Variants in MAP3K8 observed in about 807,000 individuals in gnomAD.
MAP3K8 encodes the protein mitogen-activated protein kinase kinase kinase 8.
MAP3K8 carries 22 observed loss-of-function variants against 45.8 expected under a neutral mutation model. The ratio of observed to expected loss-of-function variants is 0.48; its 90% CI spans 0.34 to 0.69. MAP3K8 has a LOEUF of 0.69. MAP3K8 is among the 30% of genes least tolerant of loss of function. The pLI is 0.01. For missense variants in MAP3K8, 419 were observed against 585.0 expected (o/e 0.72, Z 2.93); for synonymous variants, 223 against 214.3 (o/e 1.04, Z -0.36).
At chr10:30,459,108 A>G (rs1244108059) in intron 7 of MAP3K8, 147 bp from the exon 8 acceptor site, 2 of 782,102 alleles carry the variant, frequency 2.6e-6, no homozygotes, top group Non-Finnish European at 4.1e-6. Context: ...ATTAAAGGGA[A>G]GCTTGCTTGC....
Position 30,448,414 on chromosome 10 carries a change from T to TTTATTATTA in MAP3K8, c.504+492_504+500dup, listed in dbSNP as rs1554773753. ...ATGATTGAAAAGACCCTATCCCAAA[T>TTTATTATTA]TTATTATTATTATTATTATTATTAT... On this transcript the variant is annotated intron_variant, in intron 4 of 8. Coordinates refer to ENST00000263056, the MANE Select transcript of MAP3K8 (RefSeq NM_005204.4). Among the ~76,000 whole-genome samples the TTTATTATTA allele has an allele frequency of 4.2e-3, 573 of 136,432 alleles. 2 individuals are homozygous for TTTATTATTA. Among genetic ancestry groups the TTTATTATTA allele is most frequent in the African/African-American group, 0.013 (472 of 35,390 alleles). 89.5% of individuals were successfully genotyped at this position (136,432 alleles called of 152,430 possible).
chr10:30,460,821 G>T lies in MAP3K8; in HGVS notation c.1389G>T (p.Thr463=), dbSNP rs775208839. The change falls in exon 9 of 9, where the codon ACG becomes ACT. Residue 463 remains threonine (T), a synonymous_variant. Transcript: ENST00000263056. ...TCAATCTTGTTCGGGGACCACCAAC[G>T]CTTGAATATGGCTGAAGGATGCCAT... ...GYFNLVRGPP[T]LEYG 2.5e-6 allele frequency: 4 copies of T among 1,613,564 alleles called. No individual in the cohort carries two copies. The highest frequency in any genetic ancestry group is 3.4e-6 in the Non-Finnish European group (4 of 1,180,014).
chr10:30,460,964 C>G lies in MAP3K8; in HGVS notation c.*128C>G. ...AAGGAGCAGTGTGACCTCCTGTGACCCGTGAATGTGCCTCCAAGCGGCCCT... is the reference window on the plus strand; with the variant it reads ...AAGGAGCAGTGTGACCTCCTGTGACGCGTGAATGTGCCTCCAAGCGGCCCT... On this transcript the variant is annotated 3_prime_UTR_variant, in exon 9 of 9. Transcript: ENST00000263056. The G allele has an allele frequency of 1.7e-6, 2 of 1,211,226 alleles. No individual in the cohort carries two copies. The highest frequency in any genetic ancestry group is 3.1e-5 in the South Asian group (2 of 64,820). The allele number at this position is 1,211,226 out of a possible 1,614,324, so 75.0% of individuals were successfully genotyped here.
chr10:30,458,335 C>G (rs1836821280), intron 7 of MAP3K8, 99 bp downstream of exon 7: 1 of 731,780 alleles, frequency 1.4e-6, no homozygotes, highest in South Asian at 3.9e-5. Context: ...TATACCACCC[C>G]CATCTGAATG....
In MAP3K8 at chr10:30,460,780, G is replaced by C; in HGVS notation, c.1348G>C (p.Ala450Pro). 1 of 1,613,934 alleles carries C rather than the reference G, an allele frequency of 6.2e-7. No homozygotes were observed. Among genetic ancestry groups the C allele is most frequent in the Non-Finnish European group, 8.5e-7 (1 of 1,179,944 alleles). Residue 450 changes from alanine to proline, a missense_variant, in exon 9 of 9, where the codon GCT becomes CCT. Physicochemically the swap from Ala to Pro is conservative, Grantham distance 27. Coordinates refer to ENST00000263056, the MANE Select transcript of MAP3K8 (RefSeq NM_005204.4). ...RQRSLYIDLG[A>P]LAGYFNLVRG... ...ACGCTCTCTCTACATCGACCTCGGCGCTCTGGCTGGCTACTTCAATCTTGT... is the reference window on the plus strand; with the variant it reads ...ACGCTCTCTCTACATCGACCTCGGCCCTCTGGCTGGCTACTTCAATCTTGT...
At chr10:30,444,396 G>A (rs181516652) in intron 3 of MAP3K8, among the ~76,000 whole-genome samples, 1 of 152,240 alleles carries the variant, frequency 6.6e-6, no homozygotes, top group East Asian at 1.9e-4. Flanking sequence ...TCAGGAGGCA[G>A]AGGTTGCGAT....
At chr10:30,449,399 C>T (rs1007469923) in intron 4 of MAP3K8, among the ~76,000 whole-genome samples, 1 of 152,188 alleles carries the variant, frequency 6.6e-6, no homozygotes, top group Admixed American at 6.5e-5. Flanking sequence ...CACTCACCCC[C>T]ACGCCTGGCC....
At chr10:30,451,093 CA>C (rs56773403) in intron 5 of MAP3K8, among the ~76,000 whole-genome samples, 3,264 of 52,768 alleles carry the variant, frequency 0.062, 74 homozygotes, top group African/African-American at 0.17. Context: ...AACTCCGTCT[CA>C]AAAAAAAAAA....
Position 30,450,251 on chromosome 10 carries a change from G to A in MAP3K8, c.505-7G>A, listed in dbSNP as rs1278544440. On this transcript the variant is annotated splice_polypyrimidine_tract_variant and splice_region_variant and intron_variant, in intron 4 of 8. Coordinates refer to ENST00000263056, the MANE Select transcript of MAP3K8 (RefSeq NM_005204.4). ...TTTAGAATCTCGCTTGTATTTTTGT[G>A]TTCTAGATCCCAGTAGATCAATTTA... is the stretch of plus-strand genomic sequence containing the variant. The A allele has an allele frequency of 4.4e-6, 7 of 1,581,730 alleles. No individual in the cohort carries two copies. The African/African-American group carries it at 6.8e-5, about 15-fold the overall frequency.
At chr10:30,449,414 A>G (rs1184365112) in intron 4 of MAP3K8, among the ~76,000 whole-genome samples, 1 of 151,930 alleles carries the variant, frequency 6.6e-6, no homozygotes, top group African/African-American at 2.4e-5. Flanking sequence ...CTGGCCTGAC[A>G]TGGTTTTTCA....
intron 1 of MAP3K8, 22 bp downstream of exon 1, chr10:30,434,400 C>A: frequency 1.7e-5 from 16 of 961,386 alleles, no homozygotes; most frequent in Non-Finnish European, 1.7e-5. Context: ...TTGGGGGTCT[C>A]CGGCGTGTCT....
intron 5 of MAP3K8, among the ~76,000 whole-genome samples, chr10:30,451,043 G>C (rs1002665083): frequency 6.8e-6 from 1 of 147,886 alleles, no homozygotes; most frequent in Non-Finnish European, 1.5e-5. Flanking sequence ...AGTGAGCTGA[G>C]ATGGCGCCAT....
At chr10:30,438,857 A>G (rs552211501) in intron 2 of MAP3K8, 59 bp from the exon 3 acceptor site, 37 of 918,112 alleles carry the variant, frequency 4.0e-5, no homozygotes, top group Non-Finnish European at 2.9e-5. Context: ...TCAGTTTCCC[A>G]TGGGTCTTGA....
At chr10:30,445,200 C>A (rs1480050846) in intron 3 of MAP3K8, among the ~76,000 whole-genome samples, 3 of 152,098 alleles carry the variant, frequency 2.0e-5, no homozygotes, top group African/African-American at 4.8e-5. Context: ...AGTTTCAGAC[C>A]AGCCTGGCCA....
intron 3 of MAP3K8, among the ~76,000 whole-genome samples, chr10:30,445,506 T>A (rs1023775187): frequency 6.6e-6 from 1 of 152,246 alleles, no homozygotes; most frequent in African/African-American, 2.4e-5. Flanking sequence ...ACAGAGATGG[T>A]TCACTGGAGG....
intron 4 of MAP3K8, among the ~76,000 whole-genome samples, chr10:30,449,929 A>G (rs1836478824): frequency 6.6e-6 from 1 of 152,230 alleles, no homozygotes; most frequent in African/African-American, 2.4e-5. Flanking sequence ...TACCATAGAT[A>G]CTGTTGTCTA....
In MAP3K8 at chr10:30,461,418, GAC is replaced by G. The variant is rs1836935722; in HGVS notation, c.*584_*585del. ...AGCCATCTGACAGCAGGCCACTAGT[GAC>G]AGTTTCTTTTGTGTTCCTATGGAAA... On this transcript the variant is annotated 3_prime_UTR_variant, in exon 9 of 9. Transcript: ENST00000263056. 1 of 203,830 alleles carries G rather than the reference GAC, an allele frequency of 4.9e-6. No individual in the cohort carries two copies. Among genetic ancestry groups the G allele is most frequent in the Non-Finnish European group, 1.0e-5 (1 of 99,182 alleles). The allele number at this position is 203,830 out of a possible 1,614,324, so 12.6% of individuals were successfully genotyped here.
At chr10:30,434,084 G>A (rs1315588038), upstream of MAP3K8, 1 of 153,412 alleles carries the variant, frequency 6.5e-6, no homozygotes, top group Non-Finnish European at 1.5e-5. Flanking sequence ...AAGTCGGGGA[G>A]GCGGTGGCTG....
intron 1 of MAP3K8, among the ~76,000 whole-genome samples, chr10:30,436,020 C>T (rs192266556): frequency 3.0e-4 from 45 of 152,248 alleles, no homozygotes; most frequent in Middle Eastern, 3.4e-3. Context: ...AGAATTTCCT[C>T]GTGATTTTAT....
Sources: gnomAD v4.1 joint callset for allele counts (sites outside exome capture counted in the v4.1 genomes callset) on GRCh38, gnomAD v4.1.1 for gene constraint, MANE v1.5 for transcripts, NCBI Gene and HGNC (gene_info 2026-07-23, HGNC 2026-07-21) for gene names.